The following RASSF8 variants were observed in gnomAD, a reference collection of about 807,000 sequenced individuals.
RASSF8 encodes Ras association domain family member 8.
RASSF8 carries 22 observed loss-of-function variants against 48.5 expected under a neutral mutation model. That is an observed-to-expected ratio of 0.45 (90% confidence interval 0.32 to 0.65). RASSF8 has a LOEUF of 0.65. Among genes scored for constraint, RASSF8 ranks in the 30% least tolerant of loss-of-function variants. The probability of loss-of-function intolerance (pLI) is 0.03; values close to 1 mark genes in which losing one functional copy is unlikely to be tolerated. For synonymous variants in RASSF8, 127 were observed against 171.5 expected, an observed-to-expected ratio of 0.74 and a Z score of 2.03; for missense variants, 418 against 489.2, an observed-to-expected ratio of 0.85 and a Z score of 1.37.
intron 2 of RASSF8, among the ~76,000 whole-genome samples, chr12:26,019,395 A>C (rs1284856610): frequency 6.6e-6 from 1 of 152,182 alleles, no homozygotes; most frequent in Non-Finnish European, 1.5e-5. Context: ...TACAGCACCC[A>C]TCTGCACGCA....
intron 1 of RASSF8, among the ~76,000 whole-genome samples, chr12:25,993,838 A>G (rs1942069838): frequency 1.3e-5 from 2 of 152,220 alleles, no homozygotes; most frequent in African/African-American, 4.8e-5. Flanking sequence ...TTTATTAGAA[A>G]AAAAAAATAA....
At chr12:25,978,929 A>G (rs1227321711) in intron 1 of RASSF8, among the ~76,000 whole-genome samples, 1 of 152,182 alleles carries the variant, frequency 6.6e-6, no homozygotes, top group Non-Finnish European at 1.5e-5. Flanking sequence ...GTAGGATTTA[A>G]TAGCTAATAG....
chr12:26,025,174 G>T (rs1227150889), intron 2 of RASSF8, among the ~76,000 whole-genome samples: 2 of 152,168 alleles, frequency 1.3e-5, no homozygotes, highest in East Asian at 1.9e-4. Flanking sequence ...TTCTCCTGAA[G>T]ATCAGAAAGA....
At chr12:25,998,265 G>A (rs1237426838) in intron 2 of RASSF8, among the ~76,000 whole-genome samples, 2 of 151,858 alleles carry the variant, frequency 1.3e-5, no homozygotes, top group African/African-American at 4.8e-5. Context: ...AGTGGAATCA[G>A]CTTACTTTGA....
chr12:25,958,482 G>A (rs1444057960), upstream of RASSF8: 4 of 151,438 alleles, frequency 2.6e-5, no homozygotes, highest in African/African-American at 7.3e-5. Flanking sequence ...TCCGTTACGA[G>A]GTCTCTCCCG....
chr12:25,998,156 T>C (rs1942174024), intron 2 of RASSF8, among the ~76,000 whole-genome samples: 1 of 152,220 alleles, frequency 6.6e-6, no homozygotes, highest in Admixed American at 6.5e-5. Context: ...ACTTCCCTAT[T>C]ATCAGTTTGC....
intron 2 of RASSF8, among the ~76,000 whole-genome samples, chr12:26,027,273 T>C (rs11048382): frequency 0.071 from 10,846 of 152,256 alleles, 762 homozygotes; most frequent in East Asian, 0.27. Context: ...CTGGTGATAG[T>C]TCCATAATTT....
exon 6 of RASSF8, chr12:26,079,818 T>A (rs1944102427): frequency 6.6e-6 from 1 of 152,042 alleles, no homozygotes; most frequent in African/African-American, 2.4e-5. Flanking sequence ...TTGGTGGGAA[T>A]GTAAATCAGT....
chr12:26,024,452 G>A (rs1196733893), intron 2 of RASSF8, among the ~76,000 whole-genome samples: 1 of 152,176 alleles, frequency 6.6e-6, no homozygotes, highest in Non-Finnish European at 1.5e-5. Flanking sequence ...GATAGAACAT[G>A]TCTCAGCTCA....
chr12:26,050,974 T>G (rs1943478040), intron 2 of RASSF8, among the ~76,000 whole-genome samples: 2 of 152,332 alleles, frequency 1.3e-5, no homozygotes, highest in South Asian at 4.1e-4. Flanking sequence ...AAGATAAGAT[T>G]TCTTAGGGTG....
chr12:26,072,767 C>T lies in RASSF8; in HGVS notation c.*3949C>T. On this transcript the variant is annotated 3_prime_UTR_variant, in exon 6 of 6. Coordinates refer to ENST00000689635, the MANE Select transcript of RASSF8 (RefSeq NM_001394098.1). ...TATATGTAATTATCCTTTTCTTTGA[C>T]TTTCATTTTAAATGTATATTTTCTG... 1.1e-6 allele frequency: 1 copy of T among 936,320 alleles called. No homozygotes were observed. Among genetic ancestry groups the T allele is most frequent in the Non-Finnish European group, 1.3e-6 (1 of 785,434 alleles). The allele number at this position is 936,320 out of a possible 1,614,324, so 58.0% of individuals were successfully genotyped here.
At chr12:25,966,125 G>T (rs1171909734) in intron 1 of RASSF8, among the ~76,000 whole-genome samples, 1 of 152,210 alleles carries the variant, frequency 6.6e-6, no homozygotes, top group East Asian at 1.9e-4. Context: ...TTTCCCAAGT[G>T]ATTGTACCAT....
chr12:25,998,590 G>A (rs568954804), intron 2 of RASSF8, among the ~76,000 whole-genome samples: 12 of 152,062 alleles, frequency 7.9e-5, no homozygotes, highest in African/African-American at 2.7e-4. Flanking sequence ...CTCATGTTCC[G>A]CCCACCTCAG....
At position 26,064,884 on chromosome 12, in the gene RASSF8, G is replaced by T. The variant is rs749649289; in HGVS notation, c.490G>T (p.Asp164Tyr). Residue 164 changes from aspartate (D) to tyrosine (Y), a missense_variant, in exon 4 of 6, where the codon GAT (aspartate) becomes TAT (tyrosine). Physicochemically the swap from Asp to Tyr is radical, Grantham distance 160. Transcript: ENST00000689635. ...GCTGAATAACTGCAAAACAACAGCA[G>T]ATGAGTTGAAGAAGCTAATCCGTCT... ...KVLNNCKTTA[D>Y]ELKKLIRLQT... 1 of 1,614,232 alleles carries T rather than the reference G, an allele frequency of 6.2e-7. No individual in the cohort carries two copies. The highest frequency in any genetic ancestry group is 8.5e-7 in the Non-Finnish European group (1 of 1,180,052).
At chr12:26,030,621 A>G (rs989180251) in intron 2 of RASSF8, among the ~76,000 whole-genome samples, 4 of 152,156 alleles carry the variant, frequency 2.6e-5, no homozygotes, top group Admixed American at 2.0e-4. Flanking sequence ...TTAGAAATAC[A>G]TGTTAGTCAA....
intron 2 of RASSF8, among the ~76,000 whole-genome samples, chr12:26,045,643 T>C (rs541238474): frequency 1.3e-5 from 2 of 152,338 alleles, no homozygotes; most frequent in Admixed American, 1.3e-4. Context: ...TTATTGTAAC[T>C]ATAGAAATGT....
At position 26,070,022 on chromosome 12, in the gene RASSF8, T is replaced by G; in HGVS notation, c.*1204T>G. 1.0e-6 allele frequency: 1 copy of G among 980,878 alleles called. No individual in the cohort carries two copies. Among genetic ancestry groups the G allele is most frequent in the Non-Finnish European group, 1.2e-6 (1 of 825,746 alleles). The allele number at this position is 980,878 out of a possible 1,614,324, so 60.8% of individuals were successfully genotyped here. On this transcript the variant is annotated 3_prime_UTR_variant, in exon 6 of 6. Coordinates refer to ENST00000689635, the MANE Select transcript of RASSF8 (RefSeq NM_001394098.1). ...CAAATATGACTCAACACCTTTTTGA[T>G]GAGTAGTGACTTAACTAAGATTTAC... is the stretch of plus-strand genomic sequence containing the variant.
chr12:26,079,311 A>G (rs1485326781), exon 6 of RASSF8: 1 of 336,500 alleles, frequency 3.0e-6, no homozygotes, highest in Non-Finnish European at 5.4e-6. Context: ...GGGGCTGGGC[A>G]TGGTGGCTCA....
intron 2 of RASSF8, chr12:26,020,588 A>G (rs563385672): frequency 1.3e-5 from 2 of 152,330 alleles, no homozygotes; most frequent in East Asian, 1.9e-4. Context: ...GAGCTGAGCT[A>G]TCTGCTGTGA....
Sources: allele counts gnomAD v4.1 joint callset (sites outside exome capture counted in the v4.1 genomes callset), GRCh38; gene constraint gnomAD v4.1.1; transcripts MANE v1.5; gene names NCBI Gene and HGNC (gene_info 2026-07-23, HGNC 2026-07-21).